TOX3: variants seen among roughly 807,000 people sequenced by gnomAD.
TOX3 encodes TOX high mobility group box family member 3, also known as CAG trinucleotide repeat-containing gene F9 protein.
A neutral mutation model predicts 64.3 loss-of-function variants in TOX3; 22 were observed. The observed-to-expected ratio is 0.34, with a 90% CI of 0.24 to 0.49. The LOEUF is 0.49. TOX3 is among the 20% of genes least tolerant of loss of function. The probability of loss-of-function intolerance (pLI) is 0.99; values close to 1 mark genes in which losing one functional copy is unlikely to be tolerated. For synonymous variants in TOX3, 291 were observed against 273.6 expected, an observed-to-expected ratio of 1.06 and a Z score of -0.63; for missense variants, 661 against 714.4, an observed-to-expected ratio of 0.93 and a Z score of 0.85.
At chr16:52,486,332 T>A (rs2151453637) in intron 1 of TOX3, among the ~76,000 whole-genome samples, 2 of 152,230 alleles carry the variant, frequency 1.3e-5, no homozygotes, top group South Asian at 4.1e-4. Flanking sequence ...AAGACTTCAC[T>A]AAAGAGAAAG....
At chr16:52,511,492 C>T (rs1456344979) in intron 1 of TOX3, among the ~76,000 whole-genome samples, 6 of 152,036 alleles carry the variant, frequency 3.9e-5, no homozygotes, top group South Asian at 4.2e-4. Flanking sequence ...GACTCCATCT[C>T]GGGGCAGGAG....
At chr16:52,511,292 G>A (rs1471565652) in intron 1 of TOX3, among the ~76,000 whole-genome samples, 1 of 152,146 alleles carries the variant, frequency 6.6e-6, no homozygotes, top group South Asian at 2.1e-4. Context: ...AGGAGTTAGA[G>A]ACCAGCCTGG....
intron 3 of TOX3, among the ~76,000 whole-genome samples, chr16:52,455,879 A>G (rs1960501322): frequency 6.6e-6 from 1 of 152,146 alleles, no homozygotes; most frequent in Non-Finnish European, 1.5e-5. Flanking sequence ...GACTGGCCTC[A>G]TTGTGTAAGG....
chr16:52,489,653 A>G (rs1961622245), intron 1 of TOX3, among the ~76,000 whole-genome samples: 1 of 152,158 alleles, frequency 6.6e-6, no homozygotes, highest in Non-Finnish European at 1.5e-5. Context: ...TCCAGTTTGA[A>G]TATCTTTCAC....
intron 3 of TOX3, among the ~76,000 whole-genome samples, chr16:52,460,775 C>T (rs964393465): frequency 6.6e-6 from 1 of 151,974 alleles, no homozygotes; most frequent in African/African-American, 2.4e-5. Context: ...AGAGATAAAT[C>T]GTTCATCTGC....
chr16:52,440,392 A>G (rs1015592147), intron 6 of TOX3, among the ~76,000 whole-genome samples: 2 of 152,234 alleles, frequency 1.3e-5, no homozygotes, highest in Non-Finnish European at 2.9e-5. Context: ...AAGCAAGACT[A>G]GCTGGTTCTA....
At chr16:52,521,554 G>A (rs1040988146) in intron 1 of TOX3, among the ~76,000 whole-genome samples, 2 of 152,154 alleles carry the variant, frequency 1.3e-5, no homozygotes, top group African/African-American at 2.4e-5. Flanking sequence ...TTGCCTTTGT[G>A]CATGGCCATC....
chr16:52,505,469 A>G (rs2151467523), intron 1 of TOX3, among the ~76,000 whole-genome samples: 1 of 152,328 alleles, frequency 6.6e-6, no homozygotes, highest in East Asian at 1.9e-4. Flanking sequence ...AAACTGATTG[A>G]CAATTCGGAA....
At chr16:52,482,571 A>G (rs113403606) in intron 1 of TOX3, among the ~76,000 whole-genome samples, 57 of 152,318 alleles carry the variant, frequency 3.7e-4, no homozygotes, top group African/African-American at 1.3e-3. Flanking sequence ...TAAAGACACT[A>G]CATATACTAT....
intron 1 of TOX3, among the ~76,000 whole-genome samples, chr16:52,468,937 T>G (rs896098538): frequency 6.6e-6 from 1 of 152,174 alleles, no homozygotes; most frequent in Admixed American, 6.5e-5. Flanking sequence ...TTTAAAAGCA[T>G]GTAAGGATTT....
intron 1 of TOX3, among the ~76,000 whole-genome samples, chr16:52,500,707 C>T (rs1596832154): frequency 6.6e-6 from 1 of 152,204 alleles, no homozygotes; most frequent in Admixed American, 6.5e-5. Context: ...AACCACTTCC[C>T]ATTTATCGTC....
intron 2 of TOX3, among the ~76,000 whole-genome samples, chr16:52,468,299 T>A (rs1960927189): frequency 6.6e-6 from 1 of 152,198 alleles, no homozygotes; most frequent in African/African-American, 2.4e-5. Context: ...TCGTATGAAG[T>A]TACTAACATT....
At chr16:52,476,676 G>T (rs927910152) in intron 1 of TOX3, among the ~76,000 whole-genome samples, 1 of 152,060 alleles carries the variant, frequency 6.6e-6, no homozygotes, top group Admixed American at 6.6e-5. Flanking sequence ...CATCTTTTGT[G>T]TTAATTCCAG....
At chr16:52,533,893 G>C (rs1962898535) in intron 1 of TOX3, among the ~76,000 whole-genome samples, 1 of 152,158 alleles carries the variant, frequency 6.6e-6, no homozygotes, top group African/African-American at 2.4e-5. Flanking sequence ...CAGGCAGGAA[G>C]GACTGTTGGA....
At chr16:52,486,686 C>T (rs1961540279) in intron 1 of TOX3, among the ~76,000 whole-genome samples, 1 of 152,138 alleles carries the variant, frequency 6.6e-6, no homozygotes, top group South Asian at 2.1e-4. Context: ...AATCCCAGCA[C>T]TTTGGGAGAC....
intron 1 of TOX3, among the ~76,000 whole-genome samples, chr16:52,496,892 A>T (rs1961863255): frequency 6.8e-6 from 1 of 147,826 alleles, no homozygotes; most frequent in African/African-American, 2.6e-5. Flanking sequence ...ATACATATTT[A>T]TACCTATGTT....
chr16:52,487,008 G>T, intron 1 of TOX3, among the ~76,000 whole-genome samples: 1 of 152,086 alleles, frequency 6.6e-6, no homozygotes, highest in East Asian at 1.9e-4. Context: ...TTTGTTCTAA[G>T]GGGAAAAATA....
intron 5 of TOX3, 163 bp downstream of exon 5, chr16:52,445,831 T>C: frequency 1.5e-6 from 1 of 653,818 alleles, no homozygotes; most frequent in Non-Finnish European, 2.6e-6. Context: ...AACTGGAGAG[T>C]TGTTTAGATT....
At chr16:52,468,625 C>A in intron 1 of TOX3, 51 bp from the exon 2 acceptor site, 1 of 1,426,718 alleles carries the variant, frequency 7.0e-7, no homozygotes, top group South Asian at 1.2e-5. Context: ...ATAAAGCATT[C>A]TGGCTGTGAT....
Sources: gnomAD v4.1 joint callset for allele counts (sites outside exome capture counted in the v4.1 genomes callset) on GRCh38, gnomAD v4.1.1 for gene constraint, MANE v1.5 for transcripts, NCBI Gene and HGNC (gene_info 2026-07-23, HGNC 2026-07-21) for gene names.